JCAD: variants seen among roughly 807,000 people sequenced by gnomAD.
The protein encoded by JCAD is junctional cadherin 5 associated.
JCAD carries 40 observed loss-of-function variants against 98.0 expected under a neutral mutation model. The ratio of observed to expected loss-of-function variants is 0.41; its 90% confidence interval spans 0.32 to 0.53. The LOEUF is 0.53. JCAD is among the 20% of genes least tolerant of loss of function. The pLI, the probability that JCAD is intolerant of heterozygous loss-of-function variation, is 0.31. For missense variants in JCAD, 1,705 were observed against 1,738.1 expected, an observed-to-expected ratio of 0.98 and a Z score of 0.34; for synonymous variants, 691 against 682.3, an observed-to-expected ratio of 1.01 and a Z score of -0.20.
At position 30,026,376 on chromosome 10, in the gene JCAD, G is replaced by A. The variant is rs771848914; in HGVS notation, c.3772C>T (p.Arg1258Cys). 6.1e-5 allele frequency: 98 copies of A among 1,614,078 alleles called. No homozygotes were observed. Among genetic ancestry groups the A allele is most frequent in the East Asian group, 8.9e-5 (4 of 44,898 alleles). The change falls in exon 3 of 4, where the codon CGC becomes TGC. Residue 1258 changes from arginine (R) to cysteine (C), a missense_variant. Coordinates refer to ENST00000375377, the MANE Select transcript of JCAD (RefSeq NM_020848.4). Reference protein sequence around the residue: ...ASPPRRADPDRLMRMKEVSSV... With the variant: ...ASPPRRADPDCLMRMKEVSSV... ...CTCACCTCTTTCATTCTCATCAGGC[G>A]GTCAGGGTCTGCTCTCCTAGGCGGG...
chr10:30,028,005 G>T lies in JCAD; in HGVS notation c.2143C>A (p.Arg715Ser). The change falls in exon 3 of 4, where the codon CGT becomes AGT. Residue 715 changes from arginine (R) to serine (S), a missense_variant. Physicochemically the swap from Arg to Ser is moderately radical, Grantham distance 110. Coordinates refer to ENST00000375377, the MANE Select transcript of JCAD (RefSeq NM_020848.4). Reference protein sequence around the residue: ...LPGAKLGGPSRAALSPKCSDP... With the variant: ...LPGAKLGGPSSAALSPKCSDP... ...GAACATTTTGGACTCAATGCTGCAC[G>T]ACTCGGCCCTCCCAGCTTTGCACCA... 6.2e-7 allele frequency: 1 copy of T among 1,614,222 alleles called. No individual in the cohort carries two copies. Among genetic ancestry groups the T allele is most frequent in the Non-Finnish European group, 8.5e-7 (1 of 1,180,046 alleles).
chr10:30,091,900 C>T (rs1399608976), intron 1 of JCAD, among the ~76,000 whole-genome samples: 17 of 144,774 alleles, frequency 1.2e-4, no homozygotes, highest in Middle Eastern at 7.1e-3. Context: ...TGGTGGCACG[C>T]GCCTGTAATC....
At chr10:30,062,407 G>A (rs1837714154), upstream of JCAD, among the ~76,000 whole-genome samples, 1 of 152,158 alleles carries the variant, frequency 6.6e-6, no homozygotes, top group East Asian at 1.9e-4. Context: ...TTCAAACAAA[G>A]AAGCAGAATG....
chr10:30,023,816 T>C (rs1044300115), intron 3 of JCAD, among the ~76,000 whole-genome samples: 5 of 152,224 alleles, frequency 3.3e-5, no homozygotes, highest in Non-Finnish European at 7.3e-5. Context: ...TGGGTGTTTT[T>C]AGATACCTAC....
chr10:30,107,176 A>T (rs372929689), intron 1 of JCAD, among the ~76,000 whole-genome samples: 3 of 152,162 alleles, frequency 2.0e-5, no homozygotes, highest in African/African-American at 7.2e-5. Context: ...TAGGTAAAAT[A>T]AGGCTGGGAC....
chr10:30,088,273 A>G (rs915036039), intron 1 of JCAD, among the ~76,000 whole-genome samples: 59 of 152,332 alleles, frequency 3.9e-4, no homozygotes, highest in African/African-American at 1.4e-3. Context: ...TCCCAAAGAT[A>G]GGTCATTAGC....
intron 2 of JCAD, among the ~76,000 whole-genome samples, chr10:30,032,475 G>C (rs1589684831): frequency 6.6e-6 from 1 of 152,268 alleles, no homozygotes; most frequent in African/African-American, 2.4e-5. Context: ...CCATGTAATA[G>C]GGAAAAACCA....
chr10:30,026,372 A>G lies in JCAD; in HGVS notation c.3776T>C (p.Leu1259Pro), dbSNP rs1380773211. The change falls in exon 3 of 4, where the codon CTG (leucine) becomes CCG (proline). Residue 1259 changes from leucine (L) to proline (P), a missense_variant. Transcript: ENST00000375377. ...TGAGCTCACCTCTTTCATTCTCATC[A>G]GGCGGTCAGGGTCTGCTCTCCTAGG... Reference protein sequence around the residue: ...SPPRRADPDRLMRMKEVSSVS... With the variant: ...SPPRRADPDRPMRMKEVSSVS... 2.5e-6 allele frequency: 4 copies of G among 1,614,098 alleles called. No individual in the cohort carries two copies. The highest frequency in any genetic ancestry group is 3.4e-6 in the Non-Finnish European group (4 of 1,180,054).
At chr10:30,085,457 G>A (rs558357854) in intron 1 of JCAD, among the ~76,000 whole-genome samples, 2 of 152,186 alleles carry the variant, frequency 1.3e-5, no homozygotes, top group African/African-American at 4.8e-5. Flanking sequence ...ATGCTGGATT[G>A]TAATACAGGC....
intron 1 of JCAD, among the ~76,000 whole-genome samples, chr10:30,091,134 G>A (rs144083845): frequency 3.3e-5 from 5 of 152,328 alleles, no homozygotes; most frequent in African/African-American, 9.6e-5. Flanking sequence ...TATGATTTCT[G>A]ACAGTTGTTT....
At chr10:30,102,275 TCTC>T (rs1169485112) in intron 1 of JCAD, among the ~76,000 whole-genome samples, 1 of 152,106 alleles carries the variant, frequency 6.6e-6, no homozygotes. Context: ...TTCAAGCAAT[TCTC>T]CTGCCTCAGC....
chr10:30,084,749 A>G (rs1013362233), intron 1 of JCAD, among the ~76,000 whole-genome samples: 3 of 152,160 alleles, frequency 2.0e-5, no homozygotes, highest in Non-Finnish European at 4.4e-5. Context: ...AGCCTCCATA[A>G]TGGCATGAGC....
chr10:30,073,596 TTTA>T (rs1456775040), intron 1 of JCAD, among the ~76,000 whole-genome samples: 2 of 152,132 alleles, frequency 1.3e-5, no homozygotes, highest in Non-Finnish European at 2.9e-5. Flanking sequence ...ATTAAGAAAT[TTTA>T]GAAAGACCAT....
chr10:30,079,203 C>G (rs565988230), intron 1 of JCAD, among the ~76,000 whole-genome samples: 4 of 151,926 alleles, frequency 2.6e-5, no homozygotes, highest in Non-Finnish European at 5.9e-5. Flanking sequence ...AAAAATTAGC[C>G]GGGCGTGGTG....
chr10:30,108,090 A>C (rs949464026), intron 1 of JCAD, among the ~76,000 whole-genome samples: 2 of 152,058 alleles, frequency 1.3e-5, no homozygotes, highest in Non-Finnish European at 2.9e-5. Context: ...AGGCAGGTGG[A>C]TCACTTGAGG....
chr10:30,033,071 C>T (rs147825392), intron 2 of JCAD, among the ~76,000 whole-genome samples: 13 of 152,230 alleles, frequency 8.5e-5, no homozygotes, highest in African/African-American at 3.1e-4. Flanking sequence ...CCACTACTTC[C>T]CGCTTTTACA....
chr10:30,028,984 T>G lies in JCAD; in HGVS notation c.1164A>C (p.Ser388=). The change falls in exon 3 of 4, where the codon TCA becomes TCC. Residue 388 remains serine (S), a synonymous_variant. Transcript: ENST00000375377. ...EKAGASGQPP[S]GPPGTGNEYG... ...ACTCATTCCCAGTTCCAGGGGGGCC[T>G]GAAGGAGGCTGACCGCTGGCCCCAG... 1 of 1,613,668 alleles carries G rather than the reference T, an allele frequency of 6.2e-7. No individual in the cohort carries two copies.
intron 1 of JCAD, among the ~76,000 whole-genome samples, chr10:30,095,394 C>A (rs114289480): frequency 0.01 from 1,571 of 152,322 alleles, 23 homozygotes; most frequent in Middle Eastern, 0.054. Flanking sequence ...CCTGGGCCAG[C>A]CTTGCAATGG....
intron 1 of JCAD, among the ~76,000 whole-genome samples, chr10:30,053,258 T>C (rs1045027934): frequency 6.6e-6 from 1 of 152,078 alleles, no homozygotes; most frequent in Non-Finnish European, 1.5e-5. Flanking sequence ...AAAATGAGTA[T>C]TTCCCTTCTT....
Sources: gnomAD v4.1 joint callset for allele counts (sites outside exome capture counted in the v4.1 genomes callset) on GRCh38, gnomAD v4.1.1 for gene constraint, MANE v1.5 for transcripts, NCBI Gene and HGNC (gene_info 2026-07-23, HGNC 2026-07-21) for gene names.